The following FAAH2 variants were observed in gnomAD, a reference collection of about 807,000 sequenced individuals.
The protein encoded by FAAH2 is fatty-acid amide hydrolase 2.
Under a neutral mutation model 36.9 loss-of-function variants are expected in FAAH2, and 60 were observed. The ratio of observed to expected loss-of-function variants is 1.63; its 90% CI spans 1.32 to 2.02. The LOEUF (loss-of-function observed/expected upper bound fraction) is 2.02. Among genes scored for constraint, FAAH2 ranks in the 30% most tolerant of loss-of-function variants. The probability of loss-of-function intolerance (pLI) is 0.00; values close to 1 mark genes in which losing one functional copy is unlikely to be tolerated. For synonymous variants in FAAH2, 214 were observed against 143.8 expected (o/e 1.49, Z -3.49); for missense variants, 689 against 397.5 (o/e 1.73, Z -6.23).
At chrX:57,280,703 TC>T in the FAAH2 span, among the ~76,000 whole-genome samples, 1 of 110,709 alleles carries the variant, frequency 9.0e-6, no homozygotes. Flanking sequence ...GCAATTGCAC[TC>T]TTAGGTATTT....
intron 7 of FAAH2, among the ~76,000 whole-genome samples, chrX:57,391,470 C>T (rs185120961): frequency 3.6e-5 from 4 of 110,302 alleles, no homozygotes; most frequent in African/African-American, 1.3e-4. Flanking sequence ...ATAAATGAAA[C>T]TTGAGTTCAT....
At chrX:57,364,009 G>GTTTTTTTTTTTTTTTTTTT (rs59787885) in intron 5 of FAAH2, among the ~76,000 whole-genome samples, 1 of 46,541 alleles carries the variant, frequency 2.1e-5, no homozygotes, top group African/African-American at 8.6e-5. Flanking sequence ...GGCCTGTAGG[G>GTTTTTTTTTTTTTTTTTTT]TTTTTTTTTT....
intron 2 of FAAH2, among the ~76,000 whole-genome samples, chrX:57,305,602 G>A (rs988522708): frequency 1.8e-5 from 2 of 111,611 alleles, no homozygotes; most frequent in African/African-American, 6.5e-5. Context: ...TCACTAAAGA[G>A]ATTATGCCCC....
intron 7 of FAAH2, among the ~76,000 whole-genome samples, chrX:57,409,146 G>A (rs2055637890): frequency 9.0e-6 from 1 of 111,077 alleles, no homozygotes; most frequent in Non-Finnish European, 1.9e-5. Flanking sequence ...AATAATACTG[G>A]TATTATAATA....
chrX:57,269,829 G>A, the FAAH2 span, among the ~76,000 whole-genome samples: 1 of 111,141 alleles, frequency 9.0e-6, no homozygotes, highest in Admixed American at 9.6e-5. Context: ...AGAGAACCAA[G>A]AGCAAACCAA....
chrX:57,228,041 G>C, the FAAH2 span, among the ~76,000 whole-genome samples: 1 of 111,898 alleles, frequency 8.9e-6, no homozygotes, highest in African/African-American at 3.2e-5. Flanking sequence ...GGGCCAGTCA[G>C]GCTTGAAAAT....
chrX:57,330,529 G>T (rs1034160136), intron 3 of FAAH2, among the ~76,000 whole-genome samples: 6 of 111,072 alleles, frequency 5.4e-5, no homozygotes, highest in Non-Finnish European at 3.8e-5. Context: ...ATCTTGCCCT[G>T]CCTCCATTTG....
the FAAH2 span, among the ~76,000 whole-genome samples, chrX:57,227,598 T>C: frequency 9.0e-6 from 1 of 111,403 alleles, no homozygotes; most frequent in Non-Finnish European, 1.9e-5. Flanking sequence ...TTTGGTGGTA[T>C]AATGGCCTAT....
intron 3 of FAAH2, among the ~76,000 whole-genome samples, chrX:57,331,189 C>T (rs2053395025): frequency 8.9e-6 from 1 of 111,789 alleles, no homozygotes; most frequent in African/African-American, 3.3e-5. Context: ...CTGCCCCTAC[C>T]ACTTCTCTGA....
chrX:57,406,051 T>C (rs1400515205), intron 7 of FAAH2, among the ~76,000 whole-genome samples: 1 of 110,318 alleles, frequency 9.1e-6, no homozygotes, highest in Non-Finnish European at 1.9e-5. Context: ...TTGCACTGGT[T>C]CCTTCTCATT....
chrX:57,476,146 A>G (rs942440011), intron 10 of FAAH2, among the ~76,000 whole-genome samples: 1 of 111,450 alleles, frequency 9.0e-6, no homozygotes, highest in South Asian at 3.7e-4. Context: ...CTGCAAACAG[A>G]GACAATTTGA....
At chrX:57,153,856 A>G in the FAAH2 span, among the ~76,000 whole-genome samples, 5 of 112,684 alleles carry the variant, frequency 4.4e-5, no homozygotes, top group South Asian at 1.5e-3. Context: ...TCTTTTTGAG[A>G]TGAATTTCCC....
At chrX:57,224,410 C>T in the FAAH2 span, among the ~76,000 whole-genome samples, 1 of 111,318 alleles carries the variant, frequency 9.0e-6, no homozygotes. Flanking sequence ...AGTAAGTGGT[C>T]CCTTTTCCCT....
intron 7 of FAAH2, among the ~76,000 whole-genome samples, chrX:57,385,801 G>T (rs1026735334): frequency 9.1e-5 from 10 of 110,124 alleles, no homozygotes; most frequent in African/African-American, 3.3e-4. Flanking sequence ...CCAGCTACTC[G>T]GGAGGCTGAG....
At chrX:57,436,844 A>C (rs1046853398) in intron 8 of FAAH2, among the ~76,000 whole-genome samples, 2 of 111,135 alleles carry the variant, frequency 1.8e-5, no homozygotes, top group Non-Finnish European at 3.8e-5. Context: ...TTGCTCCAAA[A>C]GTTCAAAGAG....
the FAAH2 span, among the ~76,000 whole-genome samples, chrX:57,163,894 G>T: frequency 8.9e-6 from 1 of 111,931 alleles, no homozygotes; most frequent in East Asian, 2.8e-4. Flanking sequence ...CCCTTAATAT[G>T]AATTTCTTAA....
chrX:57,161,860 A>G, the FAAH2 span, among the ~76,000 whole-genome samples: 1 of 111,482 alleles, frequency 9.0e-6, no homozygotes, highest in Non-Finnish European at 1.9e-5. Context: ...GTCCATTTAC[A>G]TTTAAAGTTA....
intron 10 of FAAH2, among the ~76,000 whole-genome samples, chrX:57,482,598 A>T (rs1375157567): frequency 9.2e-6 from 1 of 109,286 alleles, no homozygotes; most frequent in Non-Finnish European, 1.9e-5. Flanking sequence ...CTACGAGATG[A>T]ACTGGGTACC....
chrX:57,390,784 A>C (rs2055147132), intron 7 of FAAH2, among the ~76,000 whole-genome samples: 1 of 111,770 alleles, frequency 8.9e-6, no homozygotes. Context: ...CAATAAACAC[A>C]ACACACAAGT....
Sources: allele counts gnomAD v4.1 joint callset (sites outside exome capture counted in the v4.1 genomes callset), GRCh38; gene constraint gnomAD v4.1.1; transcripts MANE v1.5; gene names NCBI Gene and HGNC (gene_info 2026-07-23, HGNC 2026-07-21).